The following COL22A1 variants were observed in gnomAD, a reference collection of about 807,000 sequenced individuals.
COL22A1 encodes collagen type XXII alpha 1 chain, also known as collagen alpha-1(XXII) chain.
In COL22A1, 221 loss-of-function variants were observed where a neutral mutation model predicts 248.9. The ratio of observed to expected loss-of-function variants is 0.89; its 90% CI spans 0.80 to 0.99. COL22A1 has a LOEUF of 0.99. Among genes scored for constraint, COL22A1 ranks in the 50% least tolerant of loss-of-function variants. The pLI is 0.00. For synonymous variants in COL22A1, 891 were observed against 793.4 expected, an observed-to-expected ratio of 1.12 and a Z score of -2.07; for missense variants, 2,240 against 2,179.0, an observed-to-expected ratio of 1.03 and a Z score of -0.56.
intron 10 of COL22A1, among the ~76,000 whole-genome samples, chr8:138,806,004 GTGACGGTGTAGGTAATGGTGTGTGGTT>G: frequency 3.3e-5 from 2 of 60,788 alleles, no homozygotes; most frequent in South Asian, 5.5e-4. Context: ...GTGTGTGTGT[GTGACGGTGTAGGTAATGGTGTGTGGTT>G]GTGTGTGTGA....
rs557407058 is a variant in COL22A1 at position 138,602,534 on chromosome 8, T to C, written c.4141-375A>G. Among the ~76,000 whole-genome samples, 7 of 152,334 alleles carry C rather than the reference T, an allele frequency of 4.6e-5. No homozygotes were observed. In the South Asian group the frequency reaches 1.4e-3, roughly 32 times the overall value. ...TGACTCTAGTGCAGGGGACAGATAG[T>C]TCTGCGGTCTCATGGCCTCTGTTCC... On this transcript the variant is annotated intron_variant, in intron 59 of 64. Transcript: ENST00000303045.
chr8:138,822,807 C>T (rs1023120032), intron 6 of COL22A1, among the ~76,000 whole-genome samples: 1 of 152,120 alleles, frequency 6.6e-6, no homozygotes, highest in African/African-American at 2.4e-5. Context: ...TGGCTTTGTC[C>T]CTCCATGTGC....
Position 138,737,554 on chromosome 8 carries a change from T to C in COL22A1, c.2109A>G (p.Pro703=), listed in dbSNP as rs1055970323. The C allele has an allele frequency of 3.7e-6, 6 of 1,611,986 alleles. No homozygotes were observed. The highest frequency in any genetic ancestry group is 5.1e-6 in the Non-Finnish European group (6 of 1,178,304). Residue 703 remains proline, a synonymous_variant, in exon 23 of 65, where the codon CCA becomes CCG. Coordinates refer to ENST00000303045, the MANE Select transcript of COL22A1 (RefSeq NM_152888.3). ...GLRGKKGDMG[P]PGIPGLLGLQ... ...GCCCCAGCAATCCAGGGATTCCAGGTGGTCCCATGTCACCTTTCTTCCCCT... is the reference window on the plus strand; with the variant it reads ...GCCCCAGCAATCCAGGGATTCCAGGCGGTCCCATGTCACCTTTCTTCCCCT...
Position 138,658,320 on chromosome 8 carries a change from G to T in COL22A1, c.3285+2116C>A, listed in dbSNP as rs144236519. On this transcript the variant is annotated intron_variant, in intron 44 of 64. Coordinates refer to ENST00000303045, the MANE Select transcript of COL22A1 (RefSeq NM_152888.3). ...CCTTGGAATGTCCTGCCTGGTAAGAGTGTCTTTGTTTACCTGTGTTCTTGG... is the reference window on the plus strand; with the variant it reads ...CCTTGGAATGTCCTGCCTGGTAAGATTGTCTTTGTTTACCTGTGTTCTTGG... 2.0e-5 allele frequency among the ~76,000 whole-genome samples: 3 copies of T among 152,338 alleles called. No individual in the cohort carries two copies. The East Asian group carries it at 5.8e-4, about 29-fold the overall frequency.
intron 1 of COL22A1, among the ~76,000 whole-genome samples, chr8:138,895,374 A>ATTTTGT (rs1825331578): frequency 6.6e-6 from 1 of 152,210 alleles, no homozygotes; most frequent in Non-Finnish European, 1.5e-5. Context: ...TTTTTAAAGC[A>ATTTTGT]GAAGTCATAG....
chr8:138,638,566 T>C (rs1821395488), intron 47 of COL22A1, among the ~76,000 whole-genome samples: 1 of 152,164 alleles, frequency 6.6e-6, no homozygotes, highest in Non-Finnish European at 1.5e-5. Context: ...CCTCTCTCTC[T>C]GTGATATATT....
At chr8:138,813,079 C>G in intron 7 of COL22A1, 60 bp from the exon 8 acceptor site, 4 of 1,336,664 alleles carry the variant, frequency 3.0e-6, no homozygotes, top group Non-Finnish European at 4.3e-6. Context: ...CAGAAACCTC[C>G]GTGGTTTCAC....
chr8:138,757,264 C>A (rs1174833997), intron 18 of COL22A1, among the ~76,000 whole-genome samples: 1 of 152,100 alleles, frequency 6.6e-6, no homozygotes, highest in African/African-American at 2.4e-5. Flanking sequence ...TTATTCATAT[C>A]TTGGTAATAC....
At chr8:138,651,382 T>G (rs1429284477) in intron 45 of COL22A1, among the ~76,000 whole-genome samples, 36 of 152,130 alleles carry the variant, frequency 2.4e-4, no homozygotes, top group Non-Finnish European at 2.9e-5. Context: ...AGAGCATGAG[T>G]GCTATAAATG....
chr8:138,773,660 G>A (rs1586709794), intron 16 of COL22A1, among the ~76,000 whole-genome samples: 1 of 152,242 alleles, frequency 6.6e-6, no homozygotes, highest in Non-Finnish European at 1.5e-5. Flanking sequence ...GGTGTTGCCC[G>A]CTAAACTCTT....
At chr8:138,878,693 G>C (rs1823942399) in intron 2 of COL22A1, among the ~76,000 whole-genome samples, 1 of 152,172 alleles carries the variant, frequency 6.6e-6, no homozygotes, top group East Asian at 1.9e-4. Flanking sequence ...CAAGAAGTCA[G>C]AAAATGCAAT....
chr8:138,598,950 C>T (rs1370210193), intron 60 of COL22A1, 52 bp from the exon 61 acceptor site: 1 of 1,585,386 alleles, frequency 6.3e-7, no homozygotes, highest in East Asian at 2.3e-5. Context: ...GAAGCTGTAC[C>T]CCATGCAGCT....
At chr8:138,696,321 C>T (rs905617919) in intron 32 of COL22A1, among the ~76,000 whole-genome samples, 1 of 152,166 alleles carries the variant, frequency 6.6e-6, no homozygotes, top group African/African-American at 2.4e-5. Flanking sequence ...GGATGAGCAT[C>T]TGCCTTGGGT....
At chr8:138,692,010 T>G (rs2130908890) in intron 35 of COL22A1, among the ~76,000 whole-genome samples, 2 of 135,886 alleles carry the variant, frequency 1.5e-5, no homozygotes, top group Admixed American at 7.6e-5. Context: ...GTGTGCATGT[T>G]TCTGGAGGTG....
intron 11 of COL22A1, among the ~76,000 whole-genome samples, chr8:138,798,568 T>TAATAC (rs1816746544): frequency 6.6e-6 from 1 of 152,104 alleles, no homozygotes; most frequent in South Asian, 2.1e-4. Flanking sequence ...TATCCCTTCT[T>TAATAC]CCCTCTTTTT....
chr8:138,606,330 A>C, intron 58 of COL22A1, 51 bp downstream of exon 58: 1 of 1,493,018 alleles, frequency 6.7e-7, no homozygotes, highest in Non-Finnish European at 9.2e-7. Flanking sequence ...GCATGTGAAC[A>C]TCACTACCTG....
intron 18 of COL22A1, among the ~76,000 whole-genome samples, chr8:138,756,374 G>A (rs1044921244): frequency 9.9e-5 from 15 of 151,956 alleles, no homozygotes; most frequent in Admixed American, 2.6e-4. Flanking sequence ...CTCCTCCTTG[G>A]CCTCCAGGTC....
chr8:138,589,500 C>T lies in COL22A1; in HGVS notation c.4694-60G>A, dbSNP rs957176796. 1.7e-5 allele frequency: 22 copies of T among 1,328,562 alleles called. No homozygotes were observed. In the Middle Eastern group the frequency reaches 7.6e-4, roughly 46 times the overall value. 82.3% of individuals were successfully genotyped at this position (1,328,562 alleles called of 1,614,324 possible). A position where few individuals can be genotyped will look rare whatever the true frequency, so the allele number is the denominator to read the frequency against. ...CAAGATCCTTCTGGGAGGGGATGGG[C>T]CCTGAACTCACAGCTTCCATTCACT... On this transcript the variant is annotated intron_variant, in intron 64 of 64. Coordinates refer to ENST00000303045, the MANE Select transcript of COL22A1 (RefSeq NM_152888.3).
chr8:138,734,287 C>T (rs1830938704), intron 23 of COL22A1, among the ~76,000 whole-genome samples: 1 of 152,226 alleles, frequency 6.6e-6, no homozygotes, highest in South Asian at 2.1e-4. Context: ...GTGTCTCTTT[C>T]TGGCCCATTA....
Sources: allele counts gnomAD v4.1 joint callset (sites outside exome capture counted in the v4.1 genomes callset), GRCh38; gene constraint gnomAD v4.1.1; transcripts MANE v1.5; gene names NCBI Gene and HGNC (gene_info 2026-07-23, HGNC 2026-07-21).